The following MAP7D1 variants were observed in gnomAD, a reference collection of about 807,000 sequenced individuals.
The protein encoded by MAP7D1 is MAP7 domain-containing protein 1.
Under a neutral mutation model 97.5 loss-of-function variants are expected in MAP7D1, and 30 were observed. That is an observed-to-expected ratio of 0.31 (90% confidence interval 0.23 to 0.42). MAP7D1 has a LOEUF of 0.42. Ranked by LOEUF, MAP7D1 falls within the 10% of genes least tolerant of loss-of-function variation. The probability of loss-of-function intolerance (pLI) is 1.00; values close to 1 mark genes in which losing one functional copy is unlikely to be tolerated. For missense variants in MAP7D1, 1,184 were observed against 1,179.5 expected (o/e 1.00, Z -0.06); for synonymous variants, 536 against 477.1 (o/e 1.12, Z -1.61).
At chr1:36,169,041 CG>C (rs1173875745) in intron 1 of MAP7D1, among the ~76,000 whole-genome samples, 1 of 150,244 alleles carries the variant, frequency 6.7e-6, no homozygotes, top group Non-Finnish European at 1.5e-5. Flanking sequence ...CACCTGAAGT[CG>C]GGAGTTCGAG....
Position 36,179,706 on chromosome 1 carries a change from G to A in MAP7D1, c.2268G>A (p.Gln756=), listed in dbSNP as rs1395273665. 1 of 1,517,782 alleles carries A rather than the reference G, an allele frequency of 6.6e-7. No individual in the cohort carries two copies. The highest frequency in any genetic ancestry group is 1.3e-5 in the South Asian group (1 of 75,796). The allele number at this position is 1,517,782 out of a possible 1,614,324, so 94.0% of individuals were successfully genotyped here. The change falls in exon 15 of 17, where the codon CAG becomes CAA. Residue 756 remains glutamine (Q), a synonymous_variant. Transcript: ENST00000474796. ...TGGAGGCTCGGTCCCCAGGGCTGCA[G>A]AAGGAGGCTGTGCAGAAAGAGGAGC... ...KAVEARSPGL[Q]KEAVQKEEPI...
intron 3 of MAP7D1, chr1:36,171,949 A>AC (rs1242924729): frequency 4.5e-6 from 1 of 220,762 alleles, no homozygotes; most frequent in East Asian, 1.2e-4. Context: ...AAAAAAAAAA[A>AC]AAAAAAAAAC....
Position 36,178,972 on chromosome 1 carries a change from G to A in MAP7D1, c.2077G>A (p.Glu693Lys). The A allele has an allele frequency of 1.3e-6, 2 of 1,559,436 alleles. No homozygotes were observed. Among genetic ancestry groups the A allele is most frequent in the Non-Finnish European group, 8.7e-7 (1 of 1,151,942 alleles). Residue 693 changes from glutamate (E) to lysine (K), a missense_variant, in exon 12 of 17, where the codon GAG (glutamate) becomes AAG (lysine). Coordinates refer to ENST00000474796, the MANE Select transcript of MAP7D1 (RefSeq NM_001388490.1). ...SREEAERQRL[E>K]REKHFQQQEQ... ...GGAAGAGGCGGAGCGGCAGCGTCTG[G>A]AGCGGGAAAAGCACTTCCAGCAGCA...
rs762866029 is a variant in MAP7D1 at position 36,176,487 on chromosome 1, A to C, written c.1139A>C (p.His380Pro). 10 of 1,402,476 alleles carry C rather than the reference A, an allele frequency of 7.1e-6. No individual in the cohort carries two copies. The East Asian group carries it at 3.0e-4, about 42-fold the overall frequency. The allele number at this position is 1,402,476 out of a possible 1,614,324, so 86.9% of individuals were successfully genotyped here. ...CCGTGCAGCGTCACCCGAAGCGTGC[A>C]CCGCTGCGCCCCCGCCGGTGAGCGC... Reference protein sequence around the residue: ...LTPCSVTRSVHRCAPAGERGE... With the variant: ...LTPCSVTRSVPRCAPAGERGE... The change falls in exon 7 of 17, where the codon CAC becomes CCC. Residue 380 changes from histidine to proline, a missense_variant. Coordinates refer to ENST00000474796, the MANE Select transcript of MAP7D1 (RefSeq NM_001388490.1). The surrounding 1 kb of genome is among the most constrained non-coding windows in gnomAD (Gnocchi z 6.1).
Position 36,176,495 on chromosome 1 carries a change from GC to G in MAP7D1, c.1152del (p.Ala385ProfsTer47). On this transcript the variant is annotated frameshift_variant, in exon 7 of 17. Coordinates refer to ENST00000474796, the MANE Select transcript of MAP7D1 (RefSeq NM_001388490.1). LOFTEE classifies it high-confidence loss of function. The surrounding 1 kb of genome is among the most constrained non-coding windows in gnomAD (Gnocchi z 6.1). ...CGTCACCCGAAGCGTGCACCGCTGCGCCCCCGCCGGTGAGCGCGGGGAGCGC... is the reference window on the plus strand; with the variant it reads ...CGTCACCCGAAGCGTGCACCGCTGCGCCCCGCCGGTGAGCGCGGGGAGCGC... ...CSVTRSVHRC[A>X]PAGERGERRK... 1.5e-6 allele frequency: 2 copies of G among 1,374,352 alleles called. No homozygotes were observed. The highest frequency in any genetic ancestry group is 1.9e-6 in the Non-Finnish European group (2 of 1,065,652). The allele number at this position is 1,374,352 out of a possible 1,614,324, so 85.1% of individuals were successfully genotyped here. A position where few individuals can be genotyped will look rare whatever the true frequency, so the allele number is the denominator to read the frequency against.
Position 36,156,241 on chromosome 1 carries a change from A to G in MAP7D1, c.-177A>G, listed in dbSNP as rs1644325922. 1 of 451,078 alleles carries G rather than the reference A, an allele frequency of 2.2e-6. No homozygotes were observed. The allele number at this position is 451,078 out of a possible 1,614,324, so 27.9% of individuals were successfully genotyped here. A position where few individuals can be genotyped will look rare whatever the true frequency, so the allele number is the denominator to read the frequency against. ...AGCCGAGAGACCCCGGGCGACCGGC[A>G]CCTCCGAGACTCGCGGGCCACCTGC... On this transcript the variant is annotated 5_prime_UTR_variant, in exon 1 of 17. Transcript: ENST00000474796.
At chr1:36,168,496 A>G (rs1644500849) in intron 1 of MAP7D1, among the ~76,000 whole-genome samples, 1 of 152,074 alleles carries the variant, frequency 6.6e-6, no homozygotes, top group Non-Finnish European at 1.5e-5. Context: ...TTTGTTGACT[A>G]CTGGAATTGG....
Position 36,171,194 on chromosome 1 carries a change from A to G in MAP7D1, c.270A>G (p.Glu90=). ...CGCAGGAAGAGTCCCCTTCCTCTGA[A>G]GCAAAGAGCAGAGGACCCACCCCAC... The part of the protein sequence containing the change: ...APPQEESPSS[E]AKSRGPTPPA... Residue 90 remains glutamate, a synonymous_variant, in exon 2 of 17, where the codon GAA becomes GAG. Coordinates refer to ENST00000474796, the MANE Select transcript of MAP7D1 (RefSeq NM_001388490.1). 6.2e-7 allele frequency: 1 copy of G among 1,613,754 alleles called. No homozygotes were observed. Among genetic ancestry groups the G allele is most frequent in the Middle Eastern group, 1.7e-4 (1 of 6,058 alleles).
rs982126879 is a variant in MAP7D1 at position 36,176,984 on chromosome 1, T to G, written c.1379+142T>G. On this transcript the variant is annotated intron_variant, in intron 8 of 16. Transcript: ENST00000474796. This position sits in a 1 kb window ranked among gnomAD's most constrained non-coding sequence, Gnocchi z 6.1. ...TGTTTTGTTTGAGACAGGATCTCCC[T>G]CTGTCACCCAGGCTGGAGTGCAGTG... is the stretch of plus-strand genomic sequence containing the variant. 1.0e-5 allele frequency: 8 copies of G among 768,846 alleles called. No homozygotes were observed. The highest frequency in any genetic ancestry group is 1.7e-5 in the Non-Finnish European group (8 of 478,504). The allele number at this position is 768,846 out of a possible 1,614,324, so 47.6% of individuals were successfully genotyped here.
chr1:36,165,903 G>C (rs1644468649), intron 1 of MAP7D1, among the ~76,000 whole-genome samples: 1 of 151,850 alleles, frequency 6.6e-6, no homozygotes, highest in Non-Finnish European at 1.5e-5. Context: ...GCTAATTTTT[G>C]TGTTTTTTAG....
chr1:36,179,352 G>A (rs758461011), intron 13 of MAP7D1, 37 bp downstream of exon 13: 1 of 1,612,580 alleles, frequency 6.2e-7, no homozygotes, highest in Non-Finnish European at 8.5e-7. Context: ...TGGGCGTGGG[G>A]GGCAGGGTGT....
chr1:36,173,315 G>A (rs375122276), intron 4 of MAP7D1, 49 bp from the exon 5 acceptor site: 165 of 1,446,234 alleles, frequency 1.1e-4, no homozygotes, highest in South Asian at 8.4e-5. Context: ...TCCCAAATTC[G>A]ATGAATGTTC....
chr1:36,159,567 C>T lies in MAP7D1; in HGVS notation c.46+3104C>T, dbSNP rs1248625008. On this transcript the variant is annotated intron_variant, in intron 1 of 16. Transcript: ENST00000474796. The surrounding 1 kb of genome is among the most constrained non-coding windows in gnomAD (Gnocchi z 5.4). ...AGAAGACCCAAGAAACAGGTGCAAC[C>T]GGCTATCCAGCACACCCATGCTGAT... 1.3e-5 allele frequency among the ~76,000 whole-genome samples: 2 copies of T among 152,160 alleles called. No individual in the cohort carries two copies. Among genetic ancestry groups the T allele is most frequent in the African/African-American group, 2.4e-5 (1 of 41,418 alleles).
At chr1:36,174,520 C>T (rs115886951) in intron 5 of MAP7D1, among the ~76,000 whole-genome samples, 41 of 152,236 alleles carry the variant, frequency 2.7e-4, no homozygotes, top group Non-Finnish European at 3.4e-4. Context: ...TATCCCAGTA[C>T]GGGGGTGTTG....
intron 1 of MAP7D1, among the ~76,000 whole-genome samples, chr1:36,161,954 GC>G (rs927642325): frequency 1.3e-5 from 2 of 151,688 alleles, no homozygotes; most frequent in African/African-American, 4.9e-5. Context: ...CATTGTGCAG[GC>G]CCTGTTTACA....
chr1:36,157,820 G>A (rs1181949269), intron 1 of MAP7D1, among the ~76,000 whole-genome samples: 2 of 152,218 alleles, frequency 1.3e-5, no homozygotes, highest in African/African-American at 2.4e-5. Flanking sequence ...TGGGACCTGG[G>A]AGAACAGGGA....
At chr1:36,161,246 C>T (rs907597006) in intron 1 of MAP7D1, among the ~76,000 whole-genome samples, 4 of 152,222 alleles carry the variant, frequency 2.6e-5, no homozygotes, top group African/African-American at 7.2e-5. Flanking sequence ...CTCTCGGAGC[C>T]GGCTTAGCTC....
In MAP7D1 at chr1:36,177,929, C is replaced by CCCCCTG; in HGVS notation, c.1441_1446dup (p.Cys481_Pro482dup). 2 of 1,572,922 alleles carry CCCCCTG rather than the reference C, an allele frequency of 1.3e-6. No homozygotes were observed. Among genetic ancestry groups the CCCCCTG allele is most frequent in the Non-Finnish European group, 1.7e-6 (2 of 1,157,546 alleles). On this transcript the variant is annotated inframe_insertion, in exon 9 of 17. Transcript: ENST00000474796. ...TCCACATCCTGGCACAGGCCTGCCT[C>CCCCCTG]CCCCTGCCCCAGCCCAGGGCCAGGC...
At chr1:36,167,921 G>A (rs1230467858) in intron 1 of MAP7D1, among the ~76,000 whole-genome samples, 1 of 152,192 alleles carries the variant, frequency 6.6e-6, no homozygotes, top group Non-Finnish European at 1.5e-5. Flanking sequence ...CTTGGAGAAT[G>A]GCAATAAACA....
Sources: gnomAD v4.1 joint callset for allele counts (sites outside exome capture counted in the v4.1 genomes callset) on GRCh38, gnomAD v4.1.1 for gene constraint, Gnocchi (gnomAD v3.1) non-coding constraint, MANE v1.5 for transcripts, NCBI Gene and HGNC (gene_info 2026-07-23, HGNC 2026-07-21) for gene names.